The following TENM4 variants were observed in gnomAD, a reference collection of about 807,000 sequenced individuals.
The protein encoded by TENM4 is teneurin-4.
In TENM4, 82 loss-of-function variants were observed where a neutral mutation model predicts 243.3. The ratio of observed to expected loss-of-function variants is 0.34; its 90% CI spans 0.28 to 0.40. The LOEUF is 0.40. TENM4 is among the 10% of genes least tolerant of loss of function. The pLI is 1.00. For missense variants in TENM4, 3,138 were observed against 3,673.3 expected, an observed-to-expected ratio of 0.85 and a Z score of 3.77; for synonymous variants, 1,412 against 1,456.3, an observed-to-expected ratio of 0.97 and a Z score of 0.69.
rs559868607 is a variant in TENM4 at position 79,081,828 on chromosome 11, G to A, written c.-65-11819C>T. On this transcript the variant is annotated intron_variant, in intron 4 of 33. Coordinates refer to ENST00000278550, the MANE Select transcript of TENM4 (RefSeq NM_001098816.3). ...CCCCAGCCCTTATATTTCCTCCTCAGTTACTATGACTCAGGCCGTCCCTCA... is the reference window on the plus strand; with the variant it reads ...CCCCAGCCCTTATATTTCCTCCTCAATTACTATGACTCAGGCCGTCCCTCA... 2.7e-3 allele frequency among the ~76,000 whole-genome samples: 410 copies of A among 152,222 alleles called. 4 individuals are homozygous for A. Among genetic ancestry groups the A allele is most frequent in the African/African-American group, 9.1e-3 (378 of 41,534 alleles).
chr11:79,204,449 G>C (rs1863808464), intron 3 of TENM4, among the ~76,000 whole-genome samples: 2 of 152,172 alleles, frequency 1.3e-5, no homozygotes. Context: ...TCTGGGAGCT[G>C]TGACTAGAAG....
intron 2 of TENM4, among the ~76,000 whole-genome samples, chr11:79,217,412 T>C (rs1276776177): frequency 6.6e-6 from 1 of 152,152 alleles, no homozygotes; most frequent in African/African-American, 2.4e-5. Flanking sequence ...CATAGGAGGT[T>C]AACCCCCAAA....
At chr11:79,403,914 C>G (rs1177739997) in intron 1 of TENM4, among the ~76,000 whole-genome samples, 2 of 152,234 alleles carry the variant, frequency 1.3e-5, no homozygotes, top group South Asian at 4.1e-4. Flanking sequence ...TGAGGCTCAT[C>G]ATGTGTATTA....
At chr11:79,301,377 G>A (rs781320907) in intron 1 of TENM4, among the ~76,000 whole-genome samples, 1 of 152,110 alleles carries the variant, frequency 6.6e-6, no homozygotes, top group Non-Finnish European at 1.5e-5. Flanking sequence ...CAAGACCCTG[G>A]GTGCTGCTCC....
intron 12 of TENM4, among the ~76,000 whole-genome samples, chr11:78,820,532 G>A (rs2136120727): frequency 6.6e-6 from 1 of 152,340 alleles, no homozygotes. Flanking sequence ...ATAGGGTGAT[G>A]CTGTGCATGT....
chr11:78,697,583 C>A (rs969569510), intron 28 of TENM4, among the ~76,000 whole-genome samples: 1 of 152,160 alleles, frequency 6.6e-6, no homozygotes, highest in African/African-American at 2.4e-5. Flanking sequence ...TACAGCATAT[C>A]TTTTCTTCCT....
chr11:79,376,773 C>G (rs1411351247), intron 1 of TENM4, among the ~76,000 whole-genome samples: 2 of 152,158 alleles, frequency 1.3e-5, no homozygotes, highest in Non-Finnish European at 2.9e-5. Flanking sequence ...TGGTATGTCC[C>G]CTCAGAGTGG....
intron 4 of TENM4, among the ~76,000 whole-genome samples, chr11:79,142,025 G>A (rs1282866193): frequency 6.6e-6 from 1 of 151,998 alleles, no homozygotes; most frequent in Non-Finnish European, 1.5e-5. Context: ...ATTCACAGCT[G>A]GAATCATATT....
intron 1 of TENM4, among the ~76,000 whole-genome samples, chr11:79,396,431 C>T (rs1489232916): frequency 1.3e-5 from 2 of 152,130 alleles, no homozygotes; most frequent in Admixed American, 6.5e-5. Context: ...AAAATTGGGC[C>T]ATTCAGGGTT....
chr11:79,143,704 A>T (rs1416900249), intron 4 of TENM4, among the ~76,000 whole-genome samples: 1 of 151,536 alleles, frequency 6.6e-6, no homozygotes, highest in Non-Finnish European at 1.5e-5. Context: ...ATAAAAAATA[A>T]AAATAAATAA....
chr11:79,253,091 A>C (rs1855640206), intron 2 of TENM4, among the ~76,000 whole-genome samples: 2 of 152,234 alleles, frequency 1.3e-5, no homozygotes, highest in African/African-American at 4.8e-5. Flanking sequence ...TGTCACACGA[A>C]AGTAAACTCA....
chr11:78,670,300 G>A lies in TENM4; in HGVS notation c.6045C>T (p.Gly2015=). ...GCGTCTCTGCCAGCTTTGACAGTTTGCCATACTTGTATATCACCCTGCGGC... is the reference window on the plus strand; with the variant it reads ...GCGTCTCTGCCAGCTTTGACAGTTTACCATACTTGTATATCACCCTGCGGC... ...GTGRRVIYKY[G]KLSKLAETLY... is the part of the protein sequence containing the mutation. The change falls in exon 32 of 34, where the codon GGC becomes GGT. Residue 2015 remains glycine (G), a synonymous_variant. Transcript: ENST00000278550. 3 of 1,613,940 alleles carry A rather than the reference G, an allele frequency of 1.9e-6. No homozygotes were observed. Among genetic ancestry groups the A allele is most frequent in the Middle Eastern group, 1.6e-4 (1 of 6,062 alleles).
At chr11:79,319,492 T>G (rs1318267464) in intron 1 of TENM4, among the ~76,000 whole-genome samples, 1 of 152,080 alleles carries the variant, frequency 6.6e-6, no homozygotes, top group African/African-American at 2.4e-5. Context: ...CTTAAATAGA[T>G]TCATATAAAA....
intron 12 of TENM4, among the ~76,000 whole-genome samples, chr11:78,835,887 T>C (rs570525528): frequency 6.6e-6 from 1 of 152,360 alleles, no homozygotes; most frequent in African/African-American, 2.4e-5. Flanking sequence ...AGTCCCTGTC[T>C]GCTTGTTCAC....
At chr11:78,945,311 C>T (rs547212322) in intron 6 of TENM4, among the ~76,000 whole-genome samples, 1 of 152,260 alleles carries the variant, frequency 6.6e-6, no homozygotes, top group South Asian at 2.1e-4. Context: ...CTATTACTAT[C>T]TCTGTTATGG....
At chr11:79,033,931 T>G (rs545039634) in intron 6 of TENM4, among the ~76,000 whole-genome samples, 1 of 152,260 alleles carries the variant, frequency 6.6e-6, no homozygotes, top group East Asian at 1.9e-4. Flanking sequence ...TTTCAAAAAA[T>G]CTAGGGCTTA....
At chr11:79,150,023 C>T (rs1425204147) in intron 3 of TENM4, among the ~76,000 whole-genome samples, 1 of 152,082 alleles carries the variant, frequency 6.6e-6, no homozygotes, top group Non-Finnish European at 1.5e-5. Flanking sequence ...GGTGGGAACC[C>T]ACAAAGAAAA....
chr11:79,349,905 G>A (rs1857387252), intron 1 of TENM4, among the ~76,000 whole-genome samples: 2 of 152,312 alleles, frequency 1.3e-5, no homozygotes, highest in African/African-American at 4.8e-5. Flanking sequence ...CCCAGCCTGT[G>A]ATAATGCCAA....
chr11:78,794,562 C>G (rs1252258734), intron 15 of TENM4, among the ~76,000 whole-genome samples: 1 of 152,154 alleles, frequency 6.6e-6, no homozygotes, highest in Non-Finnish European at 1.5e-5. Context: ...AGATCAGGAG[C>G]ATGATGTGAT....
Sources: gnomAD v4.1 joint callset for allele counts (sites outside exome capture counted in the v4.1 genomes callset) on GRCh38, gnomAD v4.1.1 for gene constraint, MANE v1.5 for transcripts, NCBI Gene and HGNC (gene_info 2026-07-23, HGNC 2026-07-21) for gene names.